Variants in FAM185A observed in about 807,000 individuals in gnomAD.
The protein encoded by FAM185A is protein FAM185A.
In FAM185A, 21 loss-of-function variants were observed where a neutral mutation model predicts 45.7. The observed-to-expected ratio is 0.46, with a 90% CI of 0.33 to 0.66. The LOEUF (loss-of-function observed/expected upper bound fraction) is 0.66. Ranked by LOEUF, FAM185A falls within the 30% of genes least tolerant of loss-of-function variation. The pLI is 0.03. For synonymous variants in FAM185A, 117 were observed against 194.0 expected, an observed-to-expected ratio of 0.60 and a Z score of 3.30; for missense variants, 305 against 485.4, an observed-to-expected ratio of 0.63 and a Z score of 3.49.
chr7:102,820,417 G>A, the FAM185A span, among the ~76,000 whole-genome samples: 1 of 152,194 alleles, frequency 6.6e-6, no homozygotes, highest in Non-Finnish European at 1.5e-5. Context: ...TTGGGGTTTT[G>A]GGACAAAGCT....
intron 6 of FAM185A, among the ~76,000 whole-genome samples, chr7:102,781,235 G>C (rs1309973036): frequency 1.3e-5 from 2 of 152,188 alleles, no homozygotes; most frequent in African/African-American, 2.4e-5. Flanking sequence ...CCACATCTGG[G>C]GGCAGGGCAC....
intron 7 of FAM185A, among the ~76,000 whole-genome samples, chr7:102,801,746 G>A (rs1322419331): frequency 1.3e-5 from 2 of 152,068 alleles, no homozygotes; most frequent in African/African-American, 4.8e-5. Flanking sequence ...CCAATATGGT[G>A]AAACCCTGTC....
At chr7:102,838,128 A>G in the FAM185A span, among the ~76,000 whole-genome samples, 3 of 152,292 alleles carry the variant, frequency 2.0e-5, no homozygotes, top group South Asian at 6.2e-4. Flanking sequence ...GTTGGTTAAG[A>G]GCACAGTCTG....
At chr7:102,816,912 T>C in the FAM185A span, among the ~76,000 whole-genome samples, 2 of 152,260 alleles carry the variant, frequency 1.3e-5, no homozygotes, top group Admixed American at 1.3e-4. Context: ...TCCAGCCGCA[T>C]CCATGTTGCT....
the FAM185A span, among the ~76,000 whole-genome samples, chr7:102,816,627 A>T: frequency 1.3e-5 from 2 of 152,148 alleles, no homozygotes; most frequent in Non-Finnish European, 2.9e-5. Context: ...TTAAAAAAAA[A>T]TTTAGATTCA....
chr7:102,823,844 C>T, the FAM185A span, among the ~76,000 whole-genome samples: 8 of 152,084 alleles, frequency 5.3e-5, no homozygotes, highest in Non-Finnish European at 1.0e-4. Context: ...GCTTTGTTTC[C>T]GGAACACGCT....
chr7:102,783,693 G>T (rs1795569086), intron 6 of FAM185A, among the ~76,000 whole-genome samples: 1 of 149,068 alleles, frequency 6.7e-6, no homozygotes, highest in Non-Finnish European at 1.5e-5. Flanking sequence ...AGTGTGTAGA[G>T]GGAAATTTAT....
intron 7 of FAM185A, among the ~76,000 whole-genome samples, chr7:102,788,397 C>A (rs772842061): frequency 6.6e-6 from 1 of 152,132 alleles, no homozygotes; most frequent in Admixed American, 6.5e-5. Context: ...AAGCTAAACC[C>A]ATGAGATGCC....
At chr7:102,836,594 A>C in the FAM185A span, among the ~76,000 whole-genome samples, 2 of 152,334 alleles carry the variant, frequency 1.3e-5, no homozygotes, top group East Asian at 3.9e-4. Flanking sequence ...AAATGCAAAC[A>C]TTATCAAGTT....
intron 3 of FAM185A, among the ~76,000 whole-genome samples, chr7:102,759,658 A>G (rs969619001): frequency 3.3e-5 from 5 of 152,130 alleles, no homozygotes; most frequent in African/African-American, 9.7e-5. Context: ...TCCACCATTC[A>G]CTAAGCTCTA....
intron 5 of FAM185A, among the ~76,000 whole-genome samples, chr7:102,773,622 T>C (rs1794884637): frequency 6.6e-6 from 1 of 152,182 alleles, no homozygotes; most frequent in African/African-American, 2.4e-5. Flanking sequence ...TTTAACTTTA[T>C]GATAAACTAC....
chr7:102,817,355 T>C, the FAM185A span, among the ~76,000 whole-genome samples: 1 of 152,150 alleles, frequency 6.6e-6, no homozygotes, highest in Non-Finnish European at 1.5e-5. Context: ...TCTCTGATGA[T>C]TAGTGATGTT....
chr7:102,792,195 C>T (rs1236166574), intron 7 of FAM185A, among the ~76,000 whole-genome samples: 1 of 151,014 alleles, frequency 6.6e-6, no homozygotes, highest in African/African-American at 2.5e-5. Flanking sequence ...TATTTGATTT[C>T]CTGCTCCATG....
At chr7:102,786,308 T>G (rs1451449337) in intron 6 of FAM185A, among the ~76,000 whole-genome samples, 1 of 152,238 alleles carries the variant, frequency 6.6e-6, no homozygotes, top group Non-Finnish European at 1.5e-5. Flanking sequence ...AAATACCATT[T>G]GACCCAGCAA....
intron 7 of FAM185A, among the ~76,000 whole-genome samples, chr7:102,804,322 TATA>T (rs1286601776): frequency 5.9e-5 from 9 of 152,324 alleles, no homozygotes; most frequent in Non-Finnish European, 1.3e-4. Flanking sequence ...ATGGTACTGG[TATA>T]ATAATAGGCA....
chr7:102,840,462 C>T, the FAM185A span, among the ~76,000 whole-genome samples: 1 of 152,188 alleles, frequency 6.6e-6, no homozygotes, highest in South Asian at 2.1e-4. Flanking sequence ...GGGGGAATTC[C>T]TTAAGCTAAA....
rs1793201742 is a variant in FAM185A at position 102,749,458 on chromosome 7, A to C, written c.251A>C (p.His84Pro). Residue 84 changes from histidine to proline, a missense_variant, in exon 1 of 8, where the codon CAC becomes CCC. Physicochemically the swap from His to Pro is moderately conservative, Grantham distance 77. Around this residue, in one of 5 missense-constraint regions of FAM185A, gnomAD observed 174 missense variants for 247.1 expected, o/e 0.70. Coordinates refer to ENST00000413034, the MANE Select transcript of FAM185A (RefSeq NM_001145268.2). ...CGGCTGCGGGCGCGGCTCCCGTGCC[A>C]CCTGGCCGTGAGGCCCCTGGACCCC... ...FGRLRARLPC[H>P]LAVRPLDPLT... 2.6e-6 allele frequency: 4 copies of C among 1,547,350 alleles called. No homozygotes were observed. The highest frequency in any genetic ancestry group is 2.0e-5 in the Admixed American group (1 of 50,880).
chr7:102,785,405 C>G (rs1350981065), intron 6 of FAM185A, among the ~76,000 whole-genome samples: 1 of 150,988 alleles, frequency 6.6e-6, no homozygotes, highest in African/African-American at 2.4e-5. Flanking sequence ...AAGCTGGAGG[C>G]ATCACGCTAC....
At chr7:102,772,486 A>C in intron 5 of FAM185A, 36 bp downstream of exon 5, 1 of 1,481,116 alleles carries the variant, frequency 6.8e-7, no homozygotes, top group South Asian at 1.3e-5. Context: ...TATTTTGTCC[A>C]CTTTTAAAAA....
Sources: allele counts gnomAD v4.1 joint callset (sites outside exome capture counted in the v4.1 genomes callset), GRCh38; gene constraint gnomAD v4.1.1; regional missense constraint gnomAD v4.1.1; transcripts MANE v1.5; gene names NCBI Gene and HGNC (gene_info 2026-07-23, HGNC 2026-07-21).